The following LIPE variants were observed in gnomAD, a reference collection of about 807,000 sequenced individuals.
LIPE encodes the protein hormone-sensitive lipase.
A neutral mutation model predicts 88.5 loss-of-function variants in LIPE; 66 were observed. That is an observed-to-expected ratio of 0.75 (90% confidence interval 0.61 to 0.91). The LOEUF (loss-of-function observed/expected upper bound fraction) is 0.91, where lower values mean the gene tolerates loss of function less well. Ranked by LOEUF, LIPE falls within the 40% of genes least tolerant of loss-of-function variation. The pLI, the probability that LIPE is intolerant of heterozygous loss-of-function variation, is 0.00. For missense variants in LIPE, 1,346 were observed against 1,434.7 expected, an observed-to-expected ratio of 0.94 and a Z score of 1.00; for synonymous variants, 570 against 617.5, an observed-to-expected ratio of 0.92 and a Z score of 1.14.
chr19:42,423,670 C>T (rs147062291), intron 1 of LIPE: 12,059 of 1,153,932 alleles, frequency 0.01, 79 homozygotes, highest in Non-Finnish European at 0.012. Context: ...GGGTCCAGCT[C>T]CCTAACCAAT....
Position 42,407,073 on chromosome 19 carries a change from G to A in LIPE, c.2137+101C>T. 9.7e-7 allele frequency: 1 copy of A among 1,034,268 alleles called. No homozygotes were observed. Among genetic ancestry groups the A allele is most frequent in the South Asian group, 1.7e-5 (1 of 58,908 alleles). The allele number at this position is 1,034,268 out of a possible 1,614,324, so 64.1% of individuals were successfully genotyped here. A position where few individuals can be genotyped will look rare whatever the true frequency, so the allele number is the denominator to read the frequency against. Reference sequence around the variant, plus strand: ...TGAGCAGGAGCTGGGAGGTGTGGGGGGAGAGAAAGGTAGAGGGTGTGAGGC... The same window carrying A: ...TGAGCAGGAGCTGGGAGGTGTGGGGAGAGAGAAAGGTAGAGGGTGTGAGGC... On this transcript the variant is annotated intron_variant, in intron 6 of 9. Coordinates refer to ENST00000244289, the MANE Select transcript of LIPE (RefSeq NM_005357.4). The surrounding 1 kb of genome is among the most constrained non-coding windows in gnomAD (Gnocchi z 5.8).
At position 42,410,282 on chromosome 19, in the gene LIPE, G is replaced by C. The variant is rs2040331847; in HGVS notation, c.1419+25C>G. On this transcript the variant is annotated intron_variant, in intron 2 of 9. Transcript: ENST00000244289. The surrounding 1 kb of genome is among the most constrained non-coding windows in gnomAD (Gnocchi z 6.1). ...ACCAGGTGCCTTCATTGTGGGCCCA[G>C]AGGGGCACGGGGCAGGGGGCTCACC... 1 of 1,537,124 alleles carries C rather than the reference G, an allele frequency of 6.5e-7. No homozygotes were observed. The highest frequency in any genetic ancestry group is 8.8e-7 in the Non-Finnish European group (1 of 1,138,448).
Position 42,408,454 on chromosome 19 carries a change from G to A in LIPE, c.1420-132C>T, listed in dbSNP as rs1421648968. 3 of 742,116 alleles carry A rather than the reference G, an allele frequency of 4.0e-6. No individual in the cohort carries two copies. Among genetic ancestry groups the A allele is most frequent in the Non-Finnish European group, 7.0e-6 (3 of 426,432 alleles). 46.0% of individuals were successfully genotyped at this position (742,116 alleles called of 1,614,324 possible). ...TTTCATGAGCTCCTACTGTGTGCTG[G>A]GCATAGCTCTCGGCTGGTTCACGGA... On this transcript the variant is annotated intron_variant, in intron 2 of 9. Transcript: ENST00000244289. The surrounding 1 kb of genome is among the most constrained non-coding windows in gnomAD (Gnocchi z 4.3).
rs141067643 is a variant in LIPE, at chr19:42,426,923, C to G, written c.227G>C (p.Arg76Thr). 31 of 1,614,102 alleles carry G rather than the reference C, an allele frequency of 1.9e-5. No homozygotes were observed. The African/African-American group carries it at 3.7e-4, about 19-fold the overall frequency. The part of the protein sequence containing the change: ...QHDAESQKEP[R>T]AQQKSASQEE... ...TTGTGAAGCAGATTTTTGTTGGGCT[C>G]TAGGTTCCTTCTGGGATTCAGCATC... Residue 76 changes from arginine (R) to threonine (T), a missense_variant, in exon 1 of 10, where the codon AGA becomes ACA. By Grantham distance (71) the Arg-to-Thr change is moderately conservative (BLOSUM62 -1). Coordinates refer to ENST00000244289, the MANE Select transcript of LIPE (RefSeq NM_005357.4).
At chr19:42,426,232 C>G in intron 1 of LIPE, 35 bp downstream of exon 1, 1 of 1,571,008 alleles carries the variant, frequency 6.4e-7, no homozygotes, top group Non-Finnish European at 8.7e-7. Context: ...ATGACTGTCC[C>G]TGAGAGGCTT....
At chr19:42,403,445 G>T (rs1231505004) in intron 8 of LIPE, among the ~76,000 whole-genome samples, 1 of 148,200 alleles carries the variant, frequency 6.7e-6, no homozygotes, top group African/African-American at 2.5e-5. Flanking sequence ...ATAATATATC[G>T]TTTTTTGTTT....
At position 42,406,197 on chromosome 19, in the gene LIPE, G is replaced by A. The variant is rs763748408; in HGVS notation, c.2329C>T (p.Leu777Phe). Reference sequence around the variant, plus strand: ...CTGACACACTTGGAGAGCACACTGAGGGGCAGCAAGGGGTCCATGAGGCTC... The same window carrying A: ...CTGACACACTTGGAGAGCACACTGAAGGGCAGCAAGGGGTCCATGAGGCTC... ...LLSLMDPLLP[L>F]SVLSKCVSAY... Residue 777 changes from leucine (L) to phenylalanine (F), a missense_variant, in exon 7 of 10, where the codon CTC becomes TTC. Leu to Phe is a conservative substitution (Grantham distance 22). Coordinates refer to ENST00000244289, the MANE Select transcript of LIPE (RefSeq NM_005357.4). This position sits in a 1 kb window ranked among gnomAD's most constrained non-coding sequence, Gnocchi z 5.7. 2.6e-5 allele frequency: 42 copies of A among 1,613,152 alleles called. No homozygotes were observed. Among genetic ancestry groups the A allele is most frequent in the African/African-American group, 1.2e-4 (9 of 74,898 alleles).
At chr19:42,413,595 C>G (rs35067200) in intron 1 of LIPE, among the ~76,000 whole-genome samples, 3 of 152,160 alleles carry the variant, frequency 2.0e-5, no homozygotes, top group African/African-American at 7.2e-5. Context: ...GAACCTGGGA[C>G]GCGGAGCTTG....
chr19:42,423,693 C>T (rs1316472930), intron 1 of LIPE: 39 of 1,143,708 alleles, frequency 3.4e-5, no homozygotes, highest in Non-Finnish European at 4.0e-5. Flanking sequence ...TGGTCTCCCT[C>T]CGCTGCCGTG....
intron 1 of LIPE, among the ~76,000 whole-genome samples, chr19:42,417,611 T>G (rs75445139): frequency 6.6e-6 from 1 of 152,082 alleles, no homozygotes; most frequent in East Asian, 1.9e-4. Flanking sequence ...TCTTGAACAC[T>G]GGACCTCAAG....
chr19:42,401,713 T>TCCCCCC lies in LIPE; in HGVS notation c.*98_*99insGGGGGG. On this transcript the variant is annotated 3_prime_UTR_variant, in exon 10 of 10. Transcript: ENST00000244289. ...CTTTCGGGCCCCCGCCCCGCCCCCTTGCCACCCCCGACTTAAGTAAGGCAC... is the reference window on the plus strand; with the variant it reads ...CTTTCGGGCCCCCGCCCCGCCCCCTTCCCCCCGCCACCCCCGACTTAAGTAAGGCAC... 7.4e-6 allele frequency: 1 copy of TCCCCCC among 134,956 alleles called. No homozygotes were observed. Among genetic ancestry groups the TCCCCCC allele is most frequent in the Non-Finnish European group, 1.4e-5 (1 of 69,758 alleles). 8.4% of individuals were successfully genotyped at this position (134,956 alleles called of 1,614,324 possible).
At position 42,414,952 on chromosome 19, in the gene LIPE, C is replaced by T. The variant is rs894986351; in HGVS notation, c.884-4110G>A. 5.9e-5 allele frequency among the ~76,000 whole-genome samples: 9 copies of T among 152,180 alleles called. No individual in the cohort carries two copies. Among genetic ancestry groups the T allele is most frequent in the South Asian group, 2.1e-4 (1 of 4,830 alleles). ...TTCCCTAAGACATACAATATTGAGG[C>T]CGGGCACGGTGGCTAATGCCTGTAA... is the stretch of plus-strand genomic sequence containing the variant. On this transcript the variant is annotated intron_variant, in intron 1 of 9. Transcript: ENST00000244289. The surrounding 1 kb of genome is among the most constrained non-coding windows in gnomAD (Gnocchi z 4.6).
chr19:42,421,775 G>A (rs943229251), intron 1 of LIPE, among the ~76,000 whole-genome samples: 2 of 152,226 alleles, frequency 1.3e-5, no homozygotes, highest in African/African-American at 4.8e-5. Context: ...CCAGTTACTG[G>A]CAAGATGAAA....
intron 7 of LIPE, 69 bp from the exon 8 acceptor site, chr19:42,405,630 C>T: frequency 2.0e-6 from 3 of 1,476,280 alleles, no homozygotes; most frequent in South Asian, 1.2e-5. Flanking sequence ...CCCAGAACTT[C>T]AGGCATCTGT....
At position 42,401,781 on chromosome 19, in the gene LIPE, G is replaced by C; in HGVS notation, c.*31C>G. 7.3e-7 allele frequency: 1 copy of C among 1,367,272 alleles called. No individual in the cohort carries two copies. Among genetic ancestry groups the C allele is most frequent in the South Asian group, 1.5e-5 (1 of 66,270 alleles). 84.7% of individuals were successfully genotyped at this position (1,367,272 alleles called of 1,614,324 possible). On this transcript the variant is annotated 3_prime_UTR_variant, in exon 10 of 10. Coordinates refer to ENST00000244289, the MANE Select transcript of LIPE (RefSeq NM_005357.4). ...GCCCGGCCCGGAAGGCATTCATGACGGAGGCCGGCGCAGATGGGAACAACA... is the reference window on the plus strand; with the variant it reads ...GCCCGGCCCGGAAGGCATTCATGACCGAGGCCGGCGCAGATGGGAACAACA...
Position 42,426,821 on chromosome 19 carries a change from TC to T in LIPE, c.328del (p.Glu110LysfsTer10). 3 of 1,614,082 alleles carry T rather than the reference TC, an allele frequency of 1.9e-6. No homozygotes were observed. The highest frequency in any genetic ancestry group is 2.5e-6 in the Non-Finnish European group (3 of 1,180,008). Reference protein sequence around the residue: ...YIQRVLLTQQEAASQQGPGLG... With the variant: ...YIQRVLLTQQXAASQQGPGLG... ...CCCAGGTCCCTGCTGGGAGGCAGCTTCCTGTTGAGTGAGCAGCACCCTTTGG... is the reference window on the plus strand; with the variant it reads ...CCCAGGTCCCTGCTGGGAGGCAGCTTCTGTTGAGTGAGCAGCACCCTTTGG... On this transcript the variant is annotated frameshift_variant, in exon 1 of 10. Coordinates refer to ENST00000244289, the MANE Select transcript of LIPE (RefSeq NM_005357.4). LOFTEE classifies it high-confidence loss of function.
chr19:42,404,617 G>A (rs750585832), intron 8 of LIPE, among the ~76,000 whole-genome samples: 13 of 152,232 alleles, frequency 8.5e-5, no homozygotes, highest in Non-Finnish European at 1.8e-4. Context: ...GCCTGCCTTG[G>A]CTTCCCAAAG....
intron 1 of LIPE, among the ~76,000 whole-genome samples, chr19:42,419,239 T>C (rs1217146474): frequency 2.0e-5 from 3 of 152,046 alleles, no homozygotes; most frequent in Non-Finnish European, 4.4e-5. Flanking sequence ...GATCACACCA[T>C]TGCACTCCAG....
Position 42,426,403 on chromosome 19 carries a change from CGT to C in LIPE, c.745_746del (p.Thr249AspfsTer20), listed in dbSNP as rs747778697. 1.2e-6 allele frequency: 2 copies of C among 1,614,032 alleles called. No homozygotes were observed. Among genetic ancestry groups the C allele is most frequent in the South Asian group, 2.2e-5 (2 of 91,054 alleles). ...GSSSDTDSPATMGGMVAQGVK... is the reference protein window; with the variant it reads ...GSSSDTDSPAXMGGMVAQGVK... ...CTCCCTGGGCCACCATTCCACCCAT[CGT>C]GGCTGGAGAATCTGTGTCTGAAGAT... On this transcript the variant is annotated frameshift_variant, in exon 1 of 10. Coordinates refer to ENST00000244289, the MANE Select transcript of LIPE (RefSeq NM_005357.4). LOFTEE classifies it high-confidence loss of function.
Sources: allele counts gnomAD v4.1 joint callset (sites outside exome capture counted in the v4.1 genomes callset), GRCh38; gene constraint gnomAD v4.1.1; non-coding constraint Gnocchi (gnomAD v3.1); transcripts MANE v1.5; gene names NCBI Gene and HGNC (gene_info 2026-07-23, HGNC 2026-07-21).